The following ABAT variants were observed in gnomAD, a reference collection of about 807,000 sequenced individuals.
ABAT encodes the protein 4-aminobutyrate aminotransferase, mitochondrial.
In ABAT, 45 loss-of-function variants were observed where a neutral mutation model predicts 64.6. The ratio of observed to expected loss-of-function variants is 0.70; its 90% CI spans 0.55 to 0.89. ABAT has a LOEUF of 0.89. ABAT is among the 40% of genes least tolerant of loss of function. The pLI is 0.00. For synonymous variants in ABAT, 297 were observed against 250.5 expected (o/e 1.19, Z -1.75); for missense variants, 633 against 658.4 (o/e 0.96, Z 0.42).
At chr16:8,743,444 T>TATATATATATATATACACAC (rs368568293) in intron 2 of ABAT, among the ~76,000 whole-genome samples, 5 of 117,702 alleles carry the variant, frequency 4.2e-5, no homozygotes, top group African/African-American at 1.9e-4. Context: ...TATATATATA[T>TATATATATATATATACACAC]ACACACATTT....
At chr16:8,760,246 G>C (rs1416531019) in intron 6 of ABAT, 1 of 152,186 alleles carries the variant, frequency 6.6e-6, no homozygotes, top group Non-Finnish European at 1.5e-5. Context: ...TTCCAGTCTT[G>C]CCACATCCTC....
At chr16:8,748,179 T>C in intron 4 of ABAT, 42 bp downstream of exon 4, 2 of 1,583,240 alleles carry the variant, frequency 1.3e-6, no homozygotes, top group Non-Finnish European at 1.7e-6. Flanking sequence ...TGCTTCTTTA[T>C]CACAATTGAG....
intron 1 of ABAT, among the ~76,000 whole-genome samples, chr16:8,734,144 A>G (rs1264426621): frequency 5.9e-5 from 9 of 152,202 alleles, no homozygotes; most frequent in Admixed American, 5.9e-4. Context: ...CATCTGTAAA[A>G]TGGGGATAAT....
chr16:8,770,036 T>C (rs1336381538), intron 11 of ABAT, among the ~76,000 whole-genome samples: 1 of 152,192 alleles, frequency 6.6e-6, no homozygotes, highest in East Asian at 1.9e-4. Context: ...AATAGAAATA[T>C]AATGCAAGCC....
chr16:8,705,858 T>C (rs1470754065), intron 1 of ABAT, among the ~76,000 whole-genome samples: 1 of 152,210 alleles, frequency 6.6e-6, no homozygotes, highest in Non-Finnish European at 1.5e-5. Context: ...TGAGTGTAAT[T>C]GTGCACCAGC....
chr16:8,708,829 C>T (rs2058007627), intron 1 of ABAT, among the ~76,000 whole-genome samples: 1 of 152,280 alleles, frequency 6.6e-6, no homozygotes, highest in African/African-American at 2.4e-5. Flanking sequence ...TTTTTTCCCT[C>T]TGTAGCTTGT....
chr16:8,692,138 T>C (rs1377002650), intron 1 of ABAT, among the ~76,000 whole-genome samples: 1 of 152,160 alleles, frequency 6.6e-6, no homozygotes, highest in Admixed American at 6.6e-5. Flanking sequence ...CCCAGAACTT[T>C]GGGACGCCAA....
intron 5 of ABAT, among the ~76,000 whole-genome samples, 164 bp from the exon 6 acceptor site, chr16:8,757,593 G>T (rs1399479164): frequency 2.0e-5 from 3 of 152,186 alleles, no homozygotes; most frequent in Non-Finnish European, 2.9e-5. Context: ...GGGATGTTAG[G>T]TGGGGCCCCA....
rs2060478461 is a variant in ABAT, at chr16:8,783,169, T to G, written c.*1739T>G. 1 of 152,154 alleles carries G rather than the reference T, an allele frequency of 6.6e-6. No homozygotes were observed. Among genetic ancestry groups the G allele is most frequent in the Non-Finnish European group, 1.5e-5 (1 of 68,040 alleles). The allele number at this position is 152,154 out of a possible 1,614,324, so 9.4% of individuals were successfully genotyped here. A position where few individuals can be genotyped will look rare whatever the true frequency, so the allele number is the denominator to read the frequency against. Reference sequence around the variant, plus strand: ...CCTCCCACTCTCTGCAAGGTTTTCCTCATTTTTATATTCATTTATTCATCA... The same window carrying G: ...CCTCCCACTCTCTGCAAGGTTTTCCGCATTTTTATATTCATTTATTCATCA... On this transcript the variant is annotated 3_prime_UTR_variant, in exon 16 of 16. Coordinates refer to ENST00000268251, the MANE Select transcript of ABAT (RefSeq NM_020686.6).
chr16:8,764,945 C>T lies in ABAT; in HGVS notation c.540+115C>T. On this transcript the variant is annotated intron_variant, in intron 8 of 15. Coordinates refer to ENST00000268251, the MANE Select transcript of ABAT (RefSeq NM_020686.6). This position sits in a 1 kb window ranked among gnomAD's most constrained non-coding sequence, Gnocchi z 4.2. ...GGGCTGGAGTATTAGACATCAGTACCAGGGTTAAAATACAGGGAGGGCCAC... is the reference window on the plus strand; with the variant it reads ...GGGCTGGAGTATTAGACATCAGTACTAGGGTTAAAATACAGGGAGGGCCAC... 1.0e-6 allele frequency: 1 copy of T among 1,001,486 alleles called. No homozygotes were observed. 62.0% of individuals were successfully genotyped at this position (1,001,486 alleles called of 1,614,324 possible).
intron 1 of ABAT, among the ~76,000 whole-genome samples, chr16:8,734,856 G>A (rs1202694952): frequency 6.6e-6 from 1 of 152,054 alleles, no homozygotes; most frequent in African/African-American, 2.4e-5. Context: ...AGGGAGCAAG[G>A]AGAGATGATA....
chr16:8,689,015 G>C (rs551880101), intron 1 of ABAT, among the ~76,000 whole-genome samples: 201 of 151,976 alleles, frequency 1.3e-3, no homozygotes, highest in Admixed American at 5.2e-3. Context: ...AGAAGGCAGA[G>C]GTTGCAGTGA....
intron 1 of ABAT, chr16:8,722,974 C>A (rs2058417724): frequency 1.2e-6 from 1 of 817,176 alleles, no homozygotes; most frequent in Non-Finnish European, 1.8e-6. Flanking sequence ...CAAGGTGGCT[C>A]ATGCCTGTAA....
intron 5 of ABAT, among the ~76,000 whole-genome samples, chr16:8,754,670 A>ATTTCTTTCTTTCTTTCTTTC (rs978873490): frequency 1.4e-4 from 2 of 14,606 alleles, no homozygotes; most frequent in African/African-American, 2.2e-4. Context: ...TGATTTATTT[A>ATTTCTTTCTTTCTTTCTTTC]TTTCTTTCTT....
At position 8,784,113 on chromosome 16, in the gene ABAT, A is replaced by C. The variant is rs1217438733; in HGVS notation, c.*2683A>C. The stretch of plus-strand genomic sequence containing the variant: ...CAGGCTGCTGTCCAGGGCAGAGGCC[A>C]TGAAGAAGTGCTTCCGTGGCCGACA... On this transcript the variant is annotated 3_prime_UTR_variant, in exon 16 of 16. Coordinates refer to ENST00000268251, the MANE Select transcript of ABAT (RefSeq NM_020686.6). The C allele has an allele frequency of 6.5e-6, 1 of 152,680 alleles. No homozygotes were observed. The highest frequency in any genetic ancestry group is 1.5e-5 in the Non-Finnish European group (1 of 68,048). 9.5% of individuals were successfully genotyped at this position (152,680 alleles called of 1,614,324 possible). A position where few individuals can be genotyped will look rare whatever the true frequency, so the allele number is the denominator to read the frequency against.
chr16:8,745,268 G>C (rs2059297063), intron 2 of ABAT, among the ~76,000 whole-genome samples: 1 of 152,124 alleles, frequency 6.6e-6, no homozygotes, highest in Non-Finnish European at 1.5e-5. Flanking sequence ...CGGAATGAGC[G>C]ACCCCATCTG....
intron 1 of ABAT, among the ~76,000 whole-genome samples, chr16:8,724,750 A>G: frequency 1.5e-5 from 1 of 67,248 alleles, no homozygotes; most frequent in African/African-American, 1.0e-4. Flanking sequence ...AAAAAACAAA[A>G]AAAAAAAAAA....
Position 8,757,754 on chromosome 16 carries a change from C to G in ABAT, c.317-3C>G. ...GTCTCTAACAATACTCTCCTGCCCT[C>G]AGGTTACAGCCACCCCGCCCTGCTG... On this transcript the variant is annotated splice_polypyrimidine_tract_variant and splice_region_variant and intron_variant, in intron 5 of 15. Transcript: ENST00000268251. 1 of 1,614,040 alleles carries G rather than the reference C, an allele frequency of 6.2e-7. No individual in the cohort carries two copies. Among genetic ancestry groups the G allele is most frequent in the Non-Finnish European group, 8.5e-7 (1 of 1,179,924 alleles).
rs550205274 is a variant in ABAT at position 8,747,662 on chromosome 16, A to G, written c.169-446A>G. On this transcript the variant is annotated intron_variant, in intron 3 of 15. Coordinates refer to ENST00000268251, the MANE Select transcript of ABAT (RefSeq NM_020686.6). ...CTAGTTTCTAATTCCCTGTTTCTGT[A>G]TAGGATAAAGTACAAGTGGTTTATG... Among the ~76,000 whole-genome samples, 13 of 152,288 alleles carry G rather than the reference A, an allele frequency of 8.5e-5. No homozygotes were observed. The East Asian group carries it at 2.3e-3, about 27-fold the overall frequency.
Sources: allele counts gnomAD v4.1 joint callset (sites outside exome capture counted in the v4.1 genomes callset), GRCh38; gene constraint gnomAD v4.1.1; non-coding constraint Gnocchi (gnomAD v3.1); transcripts MANE v1.5; gene names NCBI Gene and HGNC (gene_info 2026-07-23, HGNC 2026-07-21).